ABCA13: variants seen among roughly 807,000 people sequenced by gnomAD.
The protein encoded by ABCA13 is ATP binding cassette subfamily A member 13.
ABCA13 carries 476 observed loss-of-function variants against 478.7 expected under a neutral mutation model. The observed-to-expected ratio is 0.99, with a 90% CI of 0.92 to 1.07. The LOEUF is 1.07. Among genes scored for constraint, ABCA13 ranks in the 50% least tolerant of loss-of-function variants. The probability of loss-of-function intolerance (pLI) is 0.00; values close to 1 mark genes in which losing one functional copy is unlikely to be tolerated. For missense variants in ABCA13, 6,060 were observed against 5,910.6 expected, an observed-to-expected ratio of 1.03 and a Z score of -0.83; for synonymous variants, 2,252 against 2,158.9, an observed-to-expected ratio of 1.04 and a Z score of -1.20.
chr7:48,191,844 G>A (rs906277182), intron 1 of ABCA13, among the ~76,000 whole-genome samples: 13 of 152,206 alleles, frequency 8.5e-5, no homozygotes, highest in African/African-American at 3.1e-4. Context: ...TTACTGCAAT[G>A]GGATATGACC....
In ABCA13 at chr7:48,538,957, A is replaced by T. The variant is rs1027107252; in HGVS notation, c.14354+10612A>T. Among the ~76,000 whole-genome samples, 2 of 152,210 alleles carry T rather than the reference A, an allele frequency of 1.3e-5. 1 individual carries two copies. The highest frequency in any genetic ancestry group is 4.1e-4 in the South Asian group (2 of 4,830). On this transcript the variant is annotated intron_variant, in intron 55 of 61. Coordinates refer to ENST00000435803, the MANE Select transcript of ABCA13 (RefSeq NM_152701.5). ...TACAAACTTTGCTGACTGCATACTG[A>T]TGATGGAATTTAATATGTTCATTTG...
chr7:48,228,749 ATAGT>A (rs1465639948), intron 6 of ABCA13, among the ~76,000 whole-genome samples: 1 of 152,242 alleles, frequency 6.6e-6, no homozygotes, highest in African/African-American at 2.4e-5. Context: ...ACGTATTTTG[ATAGT>A]TAGTTAGCTT....
chr7:48,452,597 C>T (rs955572874), intron 42 of ABCA13, among the ~76,000 whole-genome samples: 1 of 152,192 alleles, frequency 6.6e-6, no homozygotes, highest in Admixed American at 6.5e-5. Context: ...ACAGCCATTT[C>T]CCTGCTGTAC....
intron 59 of ABCA13, among the ~76,000 whole-genome samples, chr7:48,631,549 A>C (rs907730470): frequency 1.3e-5 from 2 of 152,040 alleles, no homozygotes; most frequent in Non-Finnish European, 1.5e-5. Context: ...TGTTTTGGTT[A>C]TTGTAGCCTT....
chr7:48,200,737 A>G (rs370847001), intron 3 of ABCA13, among the ~76,000 whole-genome samples: 1 of 152,160 alleles, frequency 6.6e-6, no homozygotes, highest in Non-Finnish European at 1.5e-5. Context: ...CTGGTTTCAG[A>G]CTCAGCCACT....
chr7:48,462,870 T>G (rs543374123), intron 43 of ABCA13, among the ~76,000 whole-genome samples: 2 of 152,282 alleles, frequency 1.3e-5, no homozygotes, highest in South Asian at 4.1e-4. Flanking sequence ...TTCCTTTACC[T>G]CCTTTTAGAA....
chr7:48,197,390 G>T (rs1415560994), intron 2 of ABCA13, among the ~76,000 whole-genome samples: 1 of 152,208 alleles, frequency 6.6e-6, no homozygotes, highest in Non-Finnish European at 1.5e-5. Context: ...GCTCCCTGGG[G>T]AGGTAGTGAG....
At chr7:48,330,036 TCC>T (rs1805018712) in intron 27 of ABCA13, among the ~76,000 whole-genome samples, 6 of 45,938 alleles carry the variant, frequency 1.3e-4, no homozygotes, top group African/African-American at 6.2e-4. Context: ...TATTTATCCA[TCC>T]ATCCATCCAT....
chr7:48,607,760 T>C (rs1161838509), intron 58 of ABCA13, among the ~76,000 whole-genome samples: 2 of 152,210 alleles, frequency 1.3e-5, no homozygotes, highest in African/African-American at 4.8e-5. Context: ...TGGTGGTTAT[T>C]GTTGCCAATT....
chr7:48,608,457 T>C (rs1474855636), intron 58 of ABCA13, among the ~76,000 whole-genome samples: 1 of 152,200 alleles, frequency 6.6e-6, no homozygotes, highest in East Asian at 1.9e-4. Flanking sequence ...CTCTCCAATC[T>C]CAGCTGCACA....
intron 58 of ABCA13, among the ~76,000 whole-genome samples, chr7:48,597,871 C>T (rs149213922): frequency 5.9e-5 from 9 of 152,292 alleles, no homozygotes; most frequent in African/African-American, 2.2e-4. Context: ...TGCCTTCACA[C>T]ATGCATATCC....
chr7:48,389,017 A>G (rs1314384562), intron 36 of ABCA13, 23 bp from the exon 37 acceptor site: 9 of 1,603,214 alleles, frequency 5.6e-6, no homozygotes, highest in Admixed American at 1.8e-5. Context: ...TCTTTTCACA[A>G]TGAATTTTCA....
chr7:48,317,391 G>GCGC, intron 27 of ABCA13, 95 bp downstream of exon 27: 1 of 1,329,828 alleles, frequency 7.5e-7, no homozygotes, highest in African/African-American at 1.5e-5. Context: ...ATGCGCCTTG[G>GCGC]ATTATGTAGA....
At chr7:48,554,987 T>C (rs939480579) in intron 55 of ABCA13, among the ~76,000 whole-genome samples, 1 of 151,722 alleles carries the variant, frequency 6.6e-6, no homozygotes, top group Non-Finnish European at 1.5e-5. Context: ...CTGTTGTATA[T>C]GACTTTTATT....
At chr7:48,627,186 T>G (rs1350326823) in intron 59 of ABCA13, 4 of 492,156 alleles carry the variant, frequency 8.1e-6, no homozygotes, top group Non-Finnish European at 1.1e-5. Context: ...CCTAAAGAAT[T>G]TAAGCAGTTG....
chr7:48,624,059 A>AGTGTGT (rs3078326), intron 59 of ABCA13, among the ~76,000 whole-genome samples: 3,417 of 142,506 alleles, frequency 0.024, 84 homozygotes, highest in African/African-American at 0.063. Context: ...CACATGATAG[A>AGTGTGT]GTGTGTGTGT....
At chr7:48,512,898 C>G (rs2130917583) in intron 51 of ABCA13, among the ~76,000 whole-genome samples, 1 of 152,332 alleles carries the variant, frequency 6.6e-6, no homozygotes, top group South Asian at 2.1e-4. Flanking sequence ...TCAGAGATAA[C>G]TCAGACCGTG....
At chr7:48,258,942 C>T (rs1304943977) in intron 15 of ABCA13, among the ~76,000 whole-genome samples, 3 of 149,718 alleles carry the variant, frequency 2.0e-5, no homozygotes, top group Non-Finnish European at 4.4e-5. Flanking sequence ...GGCATTAGTT[C>T]CTATTTTTAT....
At chr7:48,310,197 T>C in intron 24 of ABCA13, 56 bp downstream of exon 24, 4 of 1,544,076 alleles carry the variant, frequency 2.6e-6, no homozygotes, top group Admixed American at 3.6e-5. Flanking sequence ...CTGTGGTGGC[T>C]GCAGATAAGT....
Sources: allele counts gnomAD v4.1 joint callset (sites outside exome capture counted in the v4.1 genomes callset), GRCh38; gene constraint gnomAD v4.1.1; transcripts MANE v1.5; gene names NCBI Gene and HGNC (gene_info 2026-07-23, HGNC 2026-07-21).